The following ANKRD33B variants were observed in gnomAD, a reference collection of about 807,000 sequenced individuals.
The protein encoded by ANKRD33B is ankyrin repeat domain 33B, also known as ankyrin repeat domain-containing protein 33B.
ANKRD33B carries 6 observed loss-of-function variants against 21.5 expected under a neutral mutation model. That is an observed-to-expected ratio of 0.28 (90% CI 0.15 to 0.55). The LOEUF (loss-of-function observed/expected upper bound fraction) is 0.55, where lower values mean the gene tolerates loss of function less well. ANKRD33B is among the 20% of genes least tolerant of loss of function. The pLI is 0.94. For synonymous variants in ANKRD33B, 347 were observed against 342.4 expected (o/e 1.01, Z -0.15); for missense variants, 698 against 747.2 (o/e 0.93, Z 0.77).
At chr5:10,575,356 G>A (rs1417942410) in intron 1 of ANKRD33B, among the ~76,000 whole-genome samples, 2 of 151,704 alleles carry the variant, frequency 1.3e-5, no homozygotes, top group East Asian at 3.9e-4. Context: ...AACCAGGGAG[G>A]CGGAGGTTGC....
At chr5:10,565,475 C>T (rs916764335) in intron 1 of ANKRD33B, among the ~76,000 whole-genome samples, 1 of 152,348 alleles carries the variant, frequency 6.6e-6, no homozygotes, top group South Asian at 2.1e-4. Flanking sequence ...CCGCAGGTCA[C>T]CTTCGCGAGC....
Position 10,650,102 on chromosome 5 carries a change from A to C in ANKRD33B, c.1474A>C (p.Lys492Gln). ...QKERRTAPWK[K>Q]RT is the part of the protein sequence containing the mutation. ...GGAGAGGCGCACTGCGCCCTGGAAG[A>C]AGAGGACGTGAGGGCCCGTGTGCCT... The change falls in exon 4 of 4, where the codon AAG becomes CAG. Residue 492 changes from lysine to glutamine, a missense_variant. Physicochemically the swap from Lys to Gln is moderately conservative, Grantham distance 53. Coordinates refer to ENST00000296657, the MANE Select transcript of ANKRD33B (RefSeq NM_001164440.2). 6.6e-7 allele frequency: 1 copy of C among 1,519,216 alleles called. No individual in the cohort carries two copies. Among genetic ancestry groups the C allele is most frequent in the Non-Finnish European group, 8.8e-7 (1 of 1,137,800 alleles). The allele number at this position is 1,519,216 out of a possible 1,614,324, so 94.1% of individuals were successfully genotyped here. A position where few individuals can be genotyped will look rare whatever the true frequency, so the allele number is the denominator to read the frequency against.
chr5:10,630,623 T>C (rs1736685770), intron 2 of ANKRD33B, among the ~76,000 whole-genome samples: 1 of 152,158 alleles, frequency 6.6e-6, no homozygotes, highest in Non-Finnish European at 1.5e-5. Flanking sequence ...CATGCGTACA[T>C]GGGAGCCTTC....
intron 1 of ANKRD33B, among the ~76,000 whole-genome samples, chr5:10,585,944 C>G (rs1735547688): frequency 6.6e-6 from 1 of 152,184 alleles, no homozygotes; most frequent in African/African-American, 2.4e-5. Flanking sequence ...CTGTGCCAGG[C>G]TTTCCGCAGG....
chr5:10,564,731 C>T lies in ANKRD33B; in HGVS notation c.264C>T (p.Thr88=). 6.5e-7 allele frequency: 1 copy of T among 1,532,604 alleles called. No individual in the cohort carries two copies. The highest frequency in any genetic ancestry group is 2.5e-5 in the East Asian group (1 of 40,810). The allele number at this position is 1,532,604 out of a possible 1,614,324, so 94.9% of individuals were successfully genotyped here. The change falls in exon 1 of 4, where the codon ACC becomes ACT. Residue 88 remains threonine (T), a synonymous_variant. Coordinates refer to ENST00000296657, the MANE Select transcript of ANKRD33B (RefSeq NM_001164440.2). ...GVPESVPETA[T]LLRAACANNV... is the part of the protein sequence containing the mutation. Reference sequence around the variant, plus strand: ...CGGAAAGCGTCCCGGAGACGGCGACCCTCCTGCGCGCCGCCTGCGCCAACA... The same window carrying T: ...CGGAAAGCGTCCCGGAGACGGCGACTCTCCTGCGCGCCGCCTGCGCCAACA...
In ANKRD33B at chr5:10,649,280, G is replaced by T. The variant is rs756123410; in HGVS notation, c.652G>T (p.Ala218Ser). 7 of 1,524,784 alleles carry T rather than the reference G, an allele frequency of 4.6e-6. No homozygotes were observed. The highest frequency in any genetic ancestry group is 2.0e-5 in the Admixed American group (1 of 50,636). The allele number at this position is 1,524,784 out of a possible 1,614,324, so 94.5% of individuals were successfully genotyped here. Residue 218 changes from alanine (A) to serine (S), a missense_variant, in exon 4 of 4, where the codon GCG (alanine) becomes TCG (serine). This residue lies in a region of ANKRD33B where 543 missense variants were observed against 566.5 expected (regional missense o/e 0.96). Coordinates refer to ENST00000296657, the MANE Select transcript of ANKRD33B (RefSeq NM_001164440.2). ...ALMLAGADVH[A>S]RDPRRGMSPQ... ...GCGTTTTGCAGGGGCGGATGTCCAC[G>T]CGAGGGACCCCCGCCGTGGGATGTC... is the stretch of plus-strand genomic sequence containing the variant.
chr5:10,638,771 A>G (rs894184088), intron 3 of ANKRD33B, among the ~76,000 whole-genome samples: 1 of 151,672 alleles, frequency 6.6e-6, no homozygotes, highest in Non-Finnish European at 1.5e-5. Flanking sequence ...AGGAGGCGAC[A>G]TGTTGCACGG....
At position 10,578,813 on chromosome 5, in the gene ANKRD33B, A is replaced by AAT. The variant is rs1318048173; in HGVS notation, c.366+13980_366+13981insAT. 2.6e-4 allele frequency among the ~76,000 whole-genome samples: 39 copies of AAT among 152,262 alleles called. No individual in the cohort carries two copies. In the East Asian group the frequency reaches 7.1e-3, roughly 28 times the overall value. On this transcript the variant is annotated intron_variant, in intron 1 of 3. Transcript: ENST00000296657. ...AAACCCCAAACCTATCTCATTTTTTAGAGATAGTGACTTACAGTGACTCTA... is the reference window on the plus strand; with the variant it reads ...AAACCCCAAACCTATCTCATTTTTTAATGAGATAGTGACTTACAGTGACTCTA...
chr5:10,657,792 A>T lies in ANKRD33B; in HGVS notation c.*7679A>T, dbSNP rs1043425381. The stretch of plus-strand genomic sequence containing the variant: ...AATGTGGGAGAATTGTGGCTAAAGA[A>T]TAAAAAATCACTTGTTAAAACGCAT... On this transcript the variant is annotated 3_prime_UTR_variant, in exon 4 of 4. Transcript: ENST00000296657. The T allele has an allele frequency of 6.6e-6, 1 of 152,416 alleles. No homozygotes were observed. Among genetic ancestry groups the T allele is most frequent in the Non-Finnish European group, 1.5e-5 (1 of 68,046 alleles). 9.4% of individuals were successfully genotyped at this position (152,416 alleles called of 1,614,324 possible).
At chr5:10,579,742 A>G (rs1735403708) in intron 1 of ANKRD33B, among the ~76,000 whole-genome samples, 1 of 152,196 alleles carries the variant, frequency 6.6e-6, no homozygotes, top group South Asian at 2.1e-4. Context: ...GAGAAAGGTC[A>G]AAGTAATGGG....
At chr5:10,600,970 A>C (rs1240462388) in intron 1 of ANKRD33B, among the ~76,000 whole-genome samples, 1 of 152,130 alleles carries the variant, frequency 6.6e-6, no homozygotes, top group Non-Finnish European at 1.5e-5. Context: ...AAAAAAATCA[A>C]GTTAGAAGAC....
chr5:10,586,535 A>G (rs866444436), intron 1 of ANKRD33B, among the ~76,000 whole-genome samples: 14 of 134,728 alleles, frequency 1.0e-4, no homozygotes, highest in African/African-American at 3.9e-4. Flanking sequence ...GTGTGTGTGT[A>G]TACTGCTTTC....
intron 1 of ANKRD33B, among the ~76,000 whole-genome samples, chr5:10,580,993 C>T (rs955159198): frequency 6.6e-6 from 1 of 152,132 alleles, no homozygotes; most frequent in African/African-American, 2.4e-5. Context: ...GGCTGCCAGT[C>T]GGTGGGTCCC....
intron 2 of ANKRD33B, among the ~76,000 whole-genome samples, chr5:10,629,123 G>A (rs1213772728): frequency 6.6e-6 from 1 of 152,190 alleles, no homozygotes; most frequent in Admixed American, 6.5e-5. Context: ...TTTCGGATGA[G>A]TAGTGGGGAT....
chr5:10,605,192 A>G (rs1190380233), intron 1 of ANKRD33B, among the ~76,000 whole-genome samples: 1 of 152,238 alleles, frequency 6.6e-6, no homozygotes, highest in Non-Finnish European at 1.5e-5. Flanking sequence ...GGAGCCTGCA[A>G]TCCAGGAGAC....
intron 1 of ANKRD33B, among the ~76,000 whole-genome samples, chr5:10,607,256 C>G (rs763387821): frequency 1.4e-4 from 22 of 152,216 alleles, no homozygotes; most frequent in Non-Finnish European, 2.9e-4. Flanking sequence ...GCCTCTCGCT[C>G]ATTCATGCTG....
rs375141403 is a variant in ANKRD33B at position 10,609,601 on chromosome 5, T to C, written c.367-8732T>C. On this transcript the variant is annotated intron_variant, in intron 1 of 3. Transcript: ENST00000296657. ...ATGTCTTTATTGGACAGCACTGTCC[T>C]CAAGTATTATAAAGAATTCAAACTG... is the stretch of plus-strand genomic sequence containing the variant. 6.6e-5 allele frequency among the ~76,000 whole-genome samples: 10 copies of C among 152,152 alleles called. No homozygotes were observed. The East Asian group carries it at 1.4e-3, about 21-fold the overall frequency.
chr5:10,615,315 A>G (rs1736260846), intron 1 of ANKRD33B, among the ~76,000 whole-genome samples: 1 of 152,214 alleles, frequency 6.6e-6, no homozygotes, highest in Admixed American at 6.5e-5. Flanking sequence ...TCTTTAATCC[A>G]GAAATCCTGC....
Position 10,652,043 on chromosome 5 carries a change from G to A in ANKRD33B, c.*1930G>A, listed in dbSNP as rs1251164424. 6.6e-6 allele frequency: 1 copy of A among 152,406 alleles called. No homozygotes were observed. The highest frequency in any genetic ancestry group is 1.5e-5 in the Non-Finnish European group (1 of 68,074). The allele number at this position is 152,406 out of a possible 1,614,324, so 9.4% of individuals were successfully genotyped here. ...TTGGGATTGGCCATGTCTTCTTCGAGGAGGTGGAGACTGTAACTGACACTG... is the reference window on the plus strand; with the variant it reads ...TTGGGATTGGCCATGTCTTCTTCGAAGAGGTGGAGACTGTAACTGACACTG... On this transcript the variant is annotated 3_prime_UTR_variant, in exon 4 of 4. Transcript: ENST00000296657. The surrounding 1 kb of genome is among the most constrained non-coding windows in gnomAD (Gnocchi z 4.1).
Sources: allele counts gnomAD v4.1 joint callset (sites outside exome capture counted in the v4.1 genomes callset), GRCh38; gene constraint gnomAD v4.1.1; regional missense constraint gnomAD v4.1.1; non-coding constraint Gnocchi (gnomAD v3.1); transcripts MANE v1.5; gene names NCBI Gene and HGNC (gene_info 2026-07-23, HGNC 2026-07-21).